Variants in DIAPH2 observed in about 807,000 individuals in gnomAD.
DIAPH2 encodes diaphanous related formin 2, also known as protein diaphanous homolog 2.
Under a neutral mutation model 92.7 loss-of-function variants are expected in DIAPH2, and 35 were observed. The ratio of observed to expected loss-of-function variants is 0.38; its 90% confidence interval spans 0.29 to 0.50. The LOEUF (loss-of-function observed/expected upper bound fraction) is 0.50. Ranked by LOEUF, DIAPH2 falls within the 20% of genes least tolerant of loss-of-function variation. The pLI is 0.94. For missense variants in DIAPH2, 701 were observed against 819.5 expected, an observed-to-expected ratio of 0.86 and a Z score of 1.77; for synonymous variants, 301 against 280.4, an observed-to-expected ratio of 1.07 and a Z score of -0.73.
At chrX:96,733,721 T>C (rs774844675) in intron 1 of DIAPH2, among the ~76,000 whole-genome samples, 1 of 111,204 alleles carries the variant, frequency 9.0e-6, no homozygotes, top group East Asian at 2.8e-4. Context: ...CTACAGAAAT[T>C]TAGTTAAGAG....
At chrX:97,364,594 G>A (rs894005038) in intron 24 of DIAPH2, among the ~76,000 whole-genome samples, 1 of 111,564 alleles carries the variant, frequency 9.0e-6, no homozygotes, top group Non-Finnish European at 1.9e-5. Context: ...AAGACAATTA[G>A]TGCCTTATGG....
intron 4 of DIAPH2, among the ~76,000 whole-genome samples, chrX:96,829,958 G>A (rs1781933156): frequency 1.8e-5 from 2 of 108,688 alleles, no homozygotes; most frequent in South Asian, 8.0e-4. Flanking sequence ...TCTGGGAATA[G>A]CCAGGAAAAA....
intron 22 of DIAPH2, among the ~76,000 whole-genome samples, chrX:97,220,815 C>T (rs768834015): frequency 2.7e-5 from 3 of 111,972 alleles, no homozygotes; most frequent in East Asian, 2.8e-4. Flanking sequence ...TATTGTCTAA[C>T]GGCTGCTTAA....
At chrX:97,402,477 C>A (rs2069767759) in intron 25 of DIAPH2, among the ~76,000 whole-genome samples, 1 of 111,481 alleles carries the variant, frequency 9.0e-6, no homozygotes, top group African/African-American at 3.3e-5. Flanking sequence ...ATTTTGTTCA[C>A]CCTTGCTGGA....
intron 13 of DIAPH2, among the ~76,000 whole-genome samples, chrX:96,943,611 A>G (rs2065719906): frequency 9.0e-6 from 1 of 111,026 alleles, no homozygotes; most frequent in South Asian, 3.8e-4. Flanking sequence ...TTTTGATCTT[A>G]TTAATCTTAA....
chrX:97,014,440 C>A (rs1251935741), intron 17 of DIAPH2, among the ~76,000 whole-genome samples: 1 of 112,077 alleles, frequency 8.9e-6, no homozygotes, highest in African/African-American at 3.2e-5. Flanking sequence ...GCGTACTTTT[C>A]TTTGCCTCTA....
intron 5 of DIAPH2, among the ~76,000 whole-genome samples, chrX:96,899,536 T>G (rs778794758): frequency 1.3e-4 from 14 of 110,995 alleles, no homozygotes; most frequent in South Asian, 3.9e-4. Flanking sequence ...TTCGTCTGTT[T>G]TTGGTGTATA....
intron 26 of DIAPH2, among the ~76,000 whole-genome samples, chrX:97,486,162 G>T (rs894181815): frequency 1.8e-5 from 2 of 111,234 alleles, no homozygotes; most frequent in South Asian, 7.5e-4. Context: ...AATATTGATG[G>T]AAATGGCAAT....
intron 26 of DIAPH2, among the ~76,000 whole-genome samples, chrX:97,586,190 G>A (rs957744541): frequency 1.8e-5 from 2 of 111,785 alleles, no homozygotes; most frequent in Non-Finnish European, 3.8e-5. Flanking sequence ...GGCCTGCTGG[G>A]CAGGTCCACT....
chrX:97,205,140 G>A (rs953674220), intron 22 of DIAPH2, among the ~76,000 whole-genome samples: 1 of 111,554 alleles, frequency 9.0e-6, no homozygotes, highest in African/African-American at 3.3e-5. Context: ...AACAGAAACT[G>A]GACCCCTTCC....
At chrX:97,194,772 T>C (rs1421727125) in intron 22 of DIAPH2, among the ~76,000 whole-genome samples, 5 of 111,846 alleles carry the variant, frequency 4.5e-5, no homozygotes, top group Non-Finnish European at 7.5e-5. Flanking sequence ...AGCTTAACAG[T>C]ATACAGGCAC....
intron 1 of DIAPH2, among the ~76,000 whole-genome samples, chrX:96,714,263 G>T (rs2063936143): frequency 9.8e-6 from 1 of 102,467 alleles, no homozygotes; most frequent in East Asian, 3.0e-4. Flanking sequence ...GTTTGTGTGT[G>T]TGTTTTTTTT....
intron 4 of DIAPH2, among the ~76,000 whole-genome samples, chrX:96,779,785 A>G (rs1013595218): frequency 8.9e-6 from 1 of 112,462 alleles, no homozygotes; most frequent in African/African-American, 3.2e-5. Context: ...ATGTTGCCAT[A>G]GTGTTCAATA....
chrX:97,438,569 GT>G (rs1399822916), intron 26 of DIAPH2, among the ~76,000 whole-genome samples: 3 of 107,645 alleles, frequency 2.8e-5, no homozygotes, highest in Non-Finnish European at 5.8e-5. Flanking sequence ...TAGAGATGGG[GT>G]TTTGTCATGC....
chrX:96,954,750 A>G (rs960231997), intron 15 of DIAPH2, among the ~76,000 whole-genome samples: 3 of 112,482 alleles, frequency 2.7e-5, no homozygotes, highest in African/African-American at 9.7e-5. Flanking sequence ...CAGGGTTATA[A>G]TAAGGATCAA....
intron 26 of DIAPH2, chrX:97,449,655 A>G (rs754185370): frequency 6.7e-6 from 5 of 748,020 alleles, no homozygotes; most frequent in Non-Finnish European, 7.9e-6. Flanking sequence ...TCCTATTATA[A>G]TCCCAGGGAA....
intron 22 of DIAPH2, among the ~76,000 whole-genome samples, chrX:97,158,120 A>G (rs758075609): frequency 5.4e-5 from 6 of 111,845 alleles, no homozygotes; most frequent in Non-Finnish European, 7.5e-5. Context: ...TCTTCATTCT[A>G]TTGCCTTAGT....
chrX:97,042,629 T>G (rs143734332), intron 17 of DIAPH2, among the ~76,000 whole-genome samples: 309 of 112,348 alleles, frequency 2.8e-3, no homozygotes, highest in Admixed American at 6.0e-3. Flanking sequence ...TGCTCAATTC[T>G]ATTTTGTGAA....
intron 22 of DIAPH2, among the ~76,000 whole-genome samples, chrX:97,231,465 T>C (rs1234670548): frequency 9.0e-6 from 1 of 111,292 alleles, no homozygotes; most frequent in Non-Finnish European, 1.9e-5. Context: ...GTAAACAGTA[T>C]GTATATAATT....
Sources: gnomAD v4.1 joint callset for allele counts (sites outside exome capture counted in the v4.1 genomes callset) on GRCh38, gnomAD v4.1.1 for gene constraint, MANE v1.5 for transcripts, NCBI Gene and HGNC (gene_info 2026-07-23, HGNC 2026-07-21) for gene names.